Variants in LVRN observed in about 807,000 individuals in gnomAD.
LVRN encodes the protein aminopeptidase Q.
LVRN carries 99 observed loss-of-function variants against 111.4 expected under a neutral mutation model. That is an observed-to-expected ratio of 0.89 (90% CI 0.76 to 1.05). LVRN has a LOEUF of 1.05. Ranked by LOEUF, LVRN falls within the 50% of genes least tolerant of loss-of-function variation. The pLI is 0.00. For synonymous variants in LVRN, 488 were observed against 449.5 expected, an observed-to-expected ratio of 1.09 and a Z score of -1.08; for missense variants, 1,414 against 1,206.8, an observed-to-expected ratio of 1.17 and a Z score of -2.54.
chr5:115,973,384 G>A (rs898342356), intron 1 of LVRN, among the ~76,000 whole-genome samples: 1 of 152,144 alleles, frequency 6.6e-6, no homozygotes, highest in African/African-American at 2.4e-5. Flanking sequence ...CAATGTATTT[G>A]TCCAATTTTG....
chr5:116,012,556 GTTA>G (rs1748514272), intron 15 of LVRN, 88 bp downstream of exon 15: 1 of 796,062 alleles, frequency 1.3e-6, no homozygotes, highest in Admixed American at 2.9e-5. Context: ...CTTCATATCT[GTTA>G]TTCATTGAGA....
chr5:115,978,425 G>T (rs887448528), intron 1 of LVRN, among the ~76,000 whole-genome samples: 40 of 152,112 alleles, frequency 2.6e-4, no homozygotes, highest in African/African-American at 8.5e-4. Flanking sequence ...ACACAACTTC[G>T]TTTTTCCATT....
chr5:115,986,792 C>T (rs79138145), intron 3 of LVRN, among the ~76,000 whole-genome samples: 15,566 of 152,098 alleles, frequency 0.1, 1,042 homozygotes, highest in South Asian at 0.22. Context: ...TACTTTTAAG[C>T]AGAAATAAAA....
rs376904306 is a variant in LVRN, at chr5:115,992,262, C to T, written c.1245C>T (p.His415=). The change falls in exon 5 of 20, where the codon CAC becomes CAT. Residue 415 remains histidine (H), a synonymous_variant. Transcript: ENST00000357872. The stretch of plus-strand genomic sequence containing the variant: ...CTCTGATCTCCTATGTTGTCTCCCA[C>T]GAGATTGGACACCAGGCATGTGGTA... ...KKTLISYVVS[H]EIGHQWFGNL... The T allele has an allele frequency of 4.8e-5, 77 of 1,613,636 alleles. No individual in the cohort carries two copies. Among genetic ancestry groups the T allele is most frequent in the Middle Eastern group, 1.6e-4 (1 of 6,084 alleles).
intron 6 of LVRN, 146 bp from the exon 7 acceptor site, chr5:115,999,616 T>C: frequency 1.3e-6 from 1 of 763,948 alleles, no homozygotes. Flanking sequence ...CTGACTTTAT[T>C]TGGCATATTT....
At chr5:116,014,138 T>A (rs1467678954) in intron 15 of LVRN, among the ~76,000 whole-genome samples, 2 of 152,154 alleles carry the variant, frequency 1.3e-5, no homozygotes, top group African/African-American at 2.4e-5. Flanking sequence ...TGTACACCCA[T>A]GTGTGTTTAA....
At position 116,015,774 on chromosome 5, in the gene LVRN, G is replaced by A. The variant is rs1428620015; in HGVS notation, c.2756+9G>A. On this transcript the variant is annotated intron_variant, in intron 18 of 19. Coordinates refer to ENST00000357872, the MANE Select transcript of LVRN (RefSeq NM_173800.5). ...CAAGCTGTGAGTAAAAGGTAAGAAG[G>A]AAAGTGAGACCTTTCTTTCATTTAG... 10 of 1,612,380 alleles carry A rather than the reference G, an allele frequency of 6.2e-6. No individual in the cohort carries two copies. The highest frequency in any genetic ancestry group is 8.5e-6 in the Non-Finnish European group (10 of 1,179,164).
intron 1 of LVRN, among the ~76,000 whole-genome samples, chr5:115,979,698 A>G (rs1753522440): frequency 6.6e-6 from 1 of 152,132 alleles, no homozygotes; most frequent in Non-Finnish European, 1.5e-5. Flanking sequence ...TCATAAGCCA[A>G]CCCTTGAACC....
chr5:115,975,330 G>A (rs566157924), intron 1 of LVRN: 7 of 293,476 alleles, frequency 2.4e-5, no homozygotes, highest in African/African-American at 1.6e-4. Flanking sequence ...CCAGTCTTTT[G>A]GGAGTTGCCA....
intron 16 of LVRN, 132 bp downstream of exon 16, chr5:116,014,659 T>C (rs1580399250): frequency 1.4e-6 from 1 of 697,438 alleles, no homozygotes; most frequent in East Asian, 2.7e-5. Flanking sequence ...ACTATTCTTT[T>C]CAAATACCTT....
intron 1 of LVRN, among the ~76,000 whole-genome samples, chr5:115,967,238 G>T (rs1305002640): frequency 6.6e-6 from 1 of 152,132 alleles, no homozygotes; most frequent in Non-Finnish European, 1.5e-5. Flanking sequence ...CAAGCCCTAG[G>T]TTCTGCAGAT....
chr5:115,968,267 T>C (rs1351292318), intron 1 of LVRN, among the ~76,000 whole-genome samples: 1 of 52,762 alleles, frequency 1.9e-5, no homozygotes, highest in African/African-American at 9.1e-5. Context: ...TGTCTTCTAT[T>C]CATATTTTTT....
chr5:116,022,620 A>G (rs56745470), intron 19 of LVRN, among the ~76,000 whole-genome samples, 154 bp downstream of exon 19: 14,406 of 152,200 alleles, frequency 0.095, 2,067 homozygotes, highest in African/African-American at 0.31. Flanking sequence ...AGTGTTTTTA[A>G]TTGTATCCTC....
chr5:116,010,970 A>G, intron 14 of LVRN, 76 bp downstream of exon 14: 1 of 1,240,666 alleles, frequency 8.1e-7, no homozygotes, highest in Non-Finnish European at 1.1e-6. Flanking sequence ...AGCATCTGTG[A>G]GACAGGTCTT....
In LVRN at chr5:115,984,726, C is replaced by G. The variant is rs373229835; in HGVS notation, c.978+17C>G. 1 of 1,612,928 alleles carries G rather than the reference C, an allele frequency of 6.2e-7. No homozygotes were observed. Among genetic ancestry groups the G allele is most frequent in the Admixed American group, 1.7e-5 (1 of 59,906 alleles). On this transcript the variant is annotated intron_variant, in intron 3 of 19. Coordinates refer to ENST00000357872, the MANE Select transcript of LVRN (RefSeq NM_173800.5). ...GGCAAGGAGGTGAGTGAGGAAGATT[C>G]TGTAGGTAAGGGAGATTGTACTGGC...
Position 116,026,267 on chromosome 5 carries a change from T to G in LVRN, c.*149T>G. ...ACTCAGAGTGCCATTCTTCTCATAT[T>G]GTCATGTTTGGCCCTGAGGGTGGGT... On this transcript the variant is annotated 3_prime_UTR_variant, in exon 20 of 20. Transcript: ENST00000357872. 8.1e-7 allele frequency: 1 copy of G among 1,227,322 alleles called. No individual in the cohort carries two copies. The highest frequency in any genetic ancestry group is 1.1e-6 in the Non-Finnish European group (1 of 890,110). The allele number at this position is 1,227,322 out of a possible 1,614,324, so 76.0% of individuals were successfully genotyped here.
chr5:115,983,554 G>T, intron 2 of LVRN, 125 bp downstream of exon 2: 3 of 1,084,120 alleles, frequency 2.8e-6, no homozygotes, highest in Non-Finnish European at 3.7e-6. Context: ...CTATAATTAG[G>T]TAGAGCAGTC....
chr5:116,009,100 A>G (rs937970945), intron 13 of LVRN, among the ~76,000 whole-genome samples: 16 of 152,210 alleles, frequency 1.1e-4, no homozygotes, highest in Non-Finnish European at 2.2e-4. Flanking sequence ...GTTGAAGCCA[A>G]TGCTCATTTA....
At position 115,987,942 on chromosome 5, in the gene LVRN, GA is replaced by G; in HGVS notation, c.1105+4del. On this transcript the variant is annotated splice_donor_region_variant and intron_variant, in intron 4 of 19. Transcript: ENST00000357872. ...CAGTTACTCTCTTCCAAAAACAGGT[GA>G]GGTAATCTTTTCCTTTCAGTGCATT... 6.2e-7 allele frequency: 1 copy of G among 1,607,784 alleles called. No individual in the cohort carries two copies. Among genetic ancestry groups the G allele is most frequent in the Non-Finnish European group, 8.5e-7 (1 of 1,178,076 alleles).
Sources: gnomAD v4.1 joint callset for allele counts (sites outside exome capture counted in the v4.1 genomes callset) on GRCh38, gnomAD v4.1.1 for gene constraint, MANE v1.5 for transcripts, NCBI Gene and HGNC (gene_info 2026-07-23, HGNC 2026-07-21) for gene names.